The following RAB44 variants were observed in gnomAD, a reference collection of about 807,000 sequenced individuals.
RAB44 encodes ras-related protein Rab-44.
RAB44 carries 67 observed loss-of-function variants against 93.3 expected under a neutral mutation model. The ratio of observed to expected loss-of-function variants is 0.72; its 90% CI spans 0.59 to 0.88. RAB44 has a LOEUF of 0.88. Ranked by LOEUF, RAB44 falls within the 40% of genes least tolerant of loss-of-function variation. The pLI is 0.00. For missense variants in RAB44, 1,064 were observed against 1,261.7 expected (o/e 0.84, Z 2.37); for synonymous variants, 427 against 520.3 (o/e 0.82, Z 2.44).
rs1161976368 is a variant in RAB44, at chr6:36,704,536, C to G, written c.207+94C>G. On this transcript the variant is annotated intron_variant, in intron 2 of 13. Transcript: ENST00000612677. ...TCACAGGAAGGCAGGGCTTGCTACC[C>G]CTGCCCCTTTCTCTCATTTAGAGCT... 3.4e-6 allele frequency: 4 copies of G among 1,174,208 alleles called. No homozygotes were observed. In the African/African-American group the frequency reaches 6.1e-5, roughly 18 times the overall value. 72.7% of individuals were successfully genotyped at this position (1,174,208 alleles called of 1,614,324 possible). A position where few individuals can be genotyped will look rare whatever the true frequency, so the allele number is the denominator to read the frequency against.
In RAB44 at chr6:36,721,333, G is replaced by A. The variant is rs1223255380; in HGVS notation, c.1199G>A (p.Gly400Asp). The change falls in exon 9 of 14, where the codon GGC becomes GAC. Residue 400 changes from glycine to aspartate, a missense_variant. Physicochemically the swap from Gly to Asp is moderately conservative, Grantham distance 94. Coordinates refer to ENST00000612677, the MANE Select transcript of RAB44 (RefSeq NM_001257357.2). ...SPPPTPRATS[G>D]PQTPRVVRQI... ...CCCCCGACCCCAAGAGCCACCTCAGGCCCCCAGACACCCCGTGTGGTCAGG... is the reference window on the plus strand; with the variant it reads ...CCCCCGACCCCAAGAGCCACCTCAGACCCCCAGACACCCCGTGTGGTCAGG... The A allele has an allele frequency of 4.9e-6, 6 of 1,233,756 alleles. No individual in the cohort carries two copies. Among genetic ancestry groups the A allele is most frequent in the Non-Finnish European group, 6.1e-6 (6 of 988,040 alleles). 76.4% of individuals were successfully genotyped at this position (1,233,756 alleles called of 1,614,324 possible).
At chr6:36,702,315 A>C (rs1762529233) in intron 1 of RAB44, among the ~76,000 whole-genome samples, 1 of 111,552 alleles carries the variant, frequency 9.0e-6, no homozygotes, top group Admixed American at 8.5e-5. Flanking sequence ...AGAGAGAGAG[A>C]GAGAGAGAGA....
At chr6:36,718,915 T>C (rs1178594287) in intron 7 of RAB44, among the ~76,000 whole-genome samples, 1 of 151,732 alleles carries the variant, frequency 6.6e-6, no homozygotes, top group African/African-American at 2.4e-5. Flanking sequence ...TGCCCCATTT[T>C]TTTTTTTTTG....
chr6:36,710,501 T>A (rs1038025740), intron 2 of RAB44, among the ~76,000 whole-genome samples: 5 of 152,142 alleles, frequency 3.3e-5, no homozygotes, highest in Non-Finnish European at 7.3e-5. Context: ...CTGCTATGAA[T>A]ATGGGCATAC....
At chr6:36,723,980 C>T (rs1276177526) in intron 9 of RAB44, among the ~76,000 whole-genome samples, 1 of 151,872 alleles carries the variant, frequency 6.6e-6, no homozygotes, top group Non-Finnish European at 1.5e-5. Context: ...GACAGCCCCC[C>T]ACAAGAGAGG....
At position 36,713,945 on chromosome 6, in the gene RAB44, T is replaced by G. The variant is rs544398956; in HGVS notation, c.319+6T>G. On this transcript the variant is annotated splice_donor_region_variant and intron_variant, in intron 3 of 13. Coordinates refer to ENST00000612677, the MANE Select transcript of RAB44 (RefSeq NM_001257357.2). ...AGAATTCAGCTCTGGACTCAGTATG[T>G]CTGTCTTTGGAGGGCCTCTGGGCAC... The G allele has an allele frequency of 4.0e-5, 61 of 1,517,844 alleles. No homozygotes were observed. In the East Asian group the frequency reaches 1.2e-3, roughly 29 times the overall value. The allele number at this position is 1,517,844 out of a possible 1,614,324, so 94.0% of individuals were successfully genotyped here. A position where few individuals can be genotyped will look rare whatever the true frequency, so the allele number is the denominator to read the frequency against.
At chr6:36,714,348 G>A (rs1762863862) in intron 3 of RAB44, among the ~76,000 whole-genome samples, 1 of 152,200 alleles carries the variant, frequency 6.6e-6, no homozygotes, top group Non-Finnish European at 1.5e-5. Flanking sequence ...TGCCTCTCTA[G>A]ATGGGCTGAC....
chr6:36,724,299 C>G (rs1268206437), intron 9 of RAB44, among the ~76,000 whole-genome samples: 2 of 152,084 alleles, frequency 1.3e-5, no homozygotes, highest in Non-Finnish European at 2.9e-5. Context: ...TCCCAAGTAG[C>G]TGAGACTACA....
At chr6:36,716,258 T>C (rs1762918772) in intron 4 of RAB44, among the ~76,000 whole-genome samples, 1 of 151,322 alleles carries the variant, frequency 6.6e-6, no homozygotes, top group South Asian at 2.1e-4. Flanking sequence ...TCACCTGAGG[T>C]CGGGGGTTCC....
At chr6:36,715,422 G>A (rs974990767) in intron 3 of RAB44, 57 bp from the exon 4 acceptor site, 4 of 1,499,746 alleles carry the variant, frequency 2.7e-6, no homozygotes, top group Non-Finnish European at 3.6e-6. Context: ...TGGGTGGGAG[G>A]CCAGGCGTCT....
chr6:36,714,021 A>C (rs1022515140), intron 3 of RAB44, 82 bp downstream of exon 3: 1 of 877,716 alleles, frequency 1.1e-6, no homozygotes, highest in African/African-American at 1.7e-5. Context: ...GGGTCGTTAG[A>C]AAGGCAACCC....
In RAB44 at chr6:36,732,325, C is replaced by G. The variant is rs1307252621; in HGVS notation, c.*232C>G. 5.8e-6 allele frequency: 2 copies of G among 342,066 alleles called. No homozygotes were observed. Among genetic ancestry groups the G allele is most frequent in the Non-Finnish European group, 1.1e-5 (2 of 190,412 alleles). The allele number at this position is 342,066 out of a possible 1,614,324, so 21.2% of individuals were successfully genotyped here. On this transcript the variant is annotated 3_prime_UTR_variant, in exon 14 of 14. Coordinates refer to ENST00000612677, the MANE Select transcript of RAB44 (RefSeq NM_001257357.2). ...CTTGAGGGGCAGGGGTATGGCAAAACTCTCCAAACAAAGAAAGTCTAGAAA... is the reference window on the plus strand; with the variant it reads ...CTTGAGGGGCAGGGGTATGGCAAAAGTCTCCAAACAAAGAAAGTCTAGAAA...
At chr6:36,711,007 A>G (rs1360399997) in intron 2 of RAB44, among the ~76,000 whole-genome samples, 4 of 152,252 alleles carry the variant, frequency 2.6e-5, no homozygotes, top group Admixed American at 2.6e-4. Context: ...TGAAAATAAG[A>G]AGTAAAAAAT....
At position 36,713,853 on chromosome 6, in the gene RAB44, G is replaced by A; in HGVS notation, c.233G>A (p.Ser78Asn). 6.5e-7 allele frequency: 1 copy of A among 1,536,012 alleles called. No individual in the cohort carries two copies. Among genetic ancestry groups the A allele is most frequent in the Non-Finnish European group, 8.7e-7 (1 of 1,146,774 alleles). Residue 78 changes from serine (S) to asparagine (N), a missense_variant, in exon 3 of 14, where the codon AGC (serine) becomes AAC (asparagine). Transcript: ENST00000612677. ...GTGGCCAAGTTCAGCTTCCTGGGCA[G>A]CAAGGAAGAGTCAGAGATGATCTTC... Reference protein sequence around the residue: ...LAVAKFSFLGSKEESEMIFDW... With the variant: ...LAVAKFSFLGNKEESEMIFDW...
At chr6:36,699,272 A>C (rs546155066) in intron 1 of RAB44, among the ~76,000 whole-genome samples, 1 of 152,124 alleles carries the variant, frequency 6.6e-6, no homozygotes, top group East Asian at 1.9e-4. Context: ...TGGGCTGTGG[A>C]GGTGTAGCTT....
intron 2 of RAB44, among the ~76,000 whole-genome samples, chr6:36,710,529 C>G (rs1762757861): frequency 6.6e-6 from 1 of 150,750 alleles, no homozygotes; most frequent in East Asian, 1.9e-4. Context: ...TGGGTCTTTG[C>G]CGCTTTCTTT....
intron 12 of RAB44, 110 bp downstream of exon 12, chr6:36,728,911 C>G: frequency 1.2e-6 from 1 of 850,160 alleles, no homozygotes; most frequent in Non-Finnish European, 1.9e-6. Context: ...AACCCGTGGC[C>G]CATTCCTGCC....
At chr6:36,722,849 C>A (rs1763132120) in intron 9 of RAB44, 116 bp downstream of exon 9, 1 of 1,193,030 alleles carries the variant, frequency 8.4e-7, no homozygotes, top group Admixed American at 2.4e-5. Context: ...TCTGCCCTGG[C>A]CACGGGCCCT....
At chr6:36,719,173 T>A (rs1763007730) in intron 7 of RAB44, among the ~76,000 whole-genome samples, 1 of 152,178 alleles carries the variant, frequency 6.6e-6, no homozygotes, top group Non-Finnish European at 1.5e-5. Context: ...TCTTCCTTTC[T>A]CAACTTGAAG....
Sources: allele counts gnomAD v4.1 joint callset (sites outside exome capture counted in the v4.1 genomes callset), GRCh38; gene constraint gnomAD v4.1.1; transcripts MANE v1.5; gene names NCBI Gene and HGNC (gene_info 2026-07-23, HGNC 2026-07-21).